CPSF7: variants seen among roughly 807,000 people sequenced by gnomAD.
The protein encoded by CPSF7 is cleavage and polyadenylation specificity factor subunit 7.
In CPSF7, 1 loss-of-function variant was observed where a neutral mutation model predicts 44.3. The ratio of observed to expected loss-of-function variants is 0.02; its 90% CI spans 0.01 to 0.11. The LOEUF (loss-of-function observed/expected upper bound fraction) is 0.11. CPSF7 is among the 10% of genes least tolerant of loss of function. CPSF7 has a pLI of 1.00. For synonymous variants in CPSF7, 202 were observed against 222.0 expected (o/e 0.91, Z 0.80); for missense variants, 443 against 607.2 (o/e 0.73, Z 2.84).
intron 2 of CPSF7, among the ~76,000 whole-genome samples, chr11:61,425,928 A>G (rs1861301244): frequency 6.6e-6 from 1 of 152,216 alleles, no homozygotes; most frequent in South Asian, 2.1e-4. Context: ...ATTGATGGAC[A>G]TAAGGAAGAG....
chr11:61,413,203 G>GT (rs1396815411), intron 7 of CPSF7, among the ~76,000 whole-genome samples: 3 of 152,006 alleles, frequency 2.0e-5, no homozygotes, highest in African/African-American at 7.3e-5. Flanking sequence ...GGGATTATAG[G>GT]TATGAGCCAC....
chr11:61,408,397 G>A (rs755508400), intron 9 of CPSF7, among the ~76,000 whole-genome samples: 3 of 152,110 alleles, frequency 2.0e-5, no homozygotes, highest in Non-Finnish European at 2.9e-5. Context: ...GTGAGCCACC[G>A]TGCTCGGCCA....
intron 2 of CPSF7, among the ~76,000 whole-genome samples, chr11:61,428,587 C>T (rs1402330853): frequency 1.3e-5 from 2 of 152,174 alleles, no homozygotes; most frequent in African/African-American, 4.8e-5. Context: ...GTTTGTCTAA[C>T]GTCTTTACTC....
At chr11:61,421,819 TTAATAGTCTGTAAAGTTTCTGGCTTTA>T (rs1487479177) in intron 2 of CPSF7, among the ~76,000 whole-genome samples, 10 of 152,282 alleles carry the variant, frequency 6.6e-5, no homozygotes, top group African/African-American at 1.7e-4. Context: ...CAAGATTCTG[TTAATAGTCTGTAAAGTTTCTGGCTTTA>T]GCCAACGGCA....
Position 61,418,318 on chromosome 11 carries a change from A to G in CPSF7, c.523+1631T>C, listed in dbSNP as rs536903242. 9.6e-4 allele frequency among the ~76,000 whole-genome samples: 146 copies of G among 152,302 alleles called. 1 individual carries two copies. Among genetic ancestry groups the G allele is most frequent in the Non-Finnish European group, 7.6e-4 (52 of 68,022 alleles). ...GTTCCTCCCACTGTAGCAAAAGAAA[A>G]TAAGGGTGGTTGGCTGTCTCAGGGA... On this transcript the variant is annotated intron_variant, in intron 5 of 9. Transcript: ENST00000439958.
At chr11:61,415,461 C>T (rs1860235484) in intron 7 of CPSF7, among the ~76,000 whole-genome samples, 1 of 152,136 alleles carries the variant, frequency 6.6e-6, no homozygotes. Flanking sequence ...TTCATGAGGG[C>T]AGGCCTAGAT....
At position 61,404,467 on chromosome 11, in the gene CPSF7, A is replaced by G. The variant is rs1038093929; in HGVS notation, c.*243T>C. The G allele has an allele frequency of 6.6e-6, 1 of 152,538 alleles. No individual in the cohort carries two copies. Among genetic ancestry groups the G allele is most frequent in the African/African-American group, 2.4e-5 (1 of 41,372 alleles). The allele number at this position is 152,538 out of a possible 1,614,324, so 9.4% of individuals were successfully genotyped here. ...TGGACATGTTTTCTTCCTGTCTGCC[A>G]CCCCTCCCAATCACACGAAGTCTTT... On this transcript the variant is annotated 3_prime_UTR_variant, in exon 10 of 10. Coordinates refer to ENST00000439958, the MANE Select transcript of CPSF7 (RefSeq NM_001142565.3).
In CPSF7 at chr11:61,411,909, C is replaced by T. The variant is rs766655496; in HGVS notation, c.1086G>A (p.Leu362=). ...AGDYSDAIET[L]LTAIAVIKQS... ...GTTTGATAACCGCAATGGCTGTGAG[C>T]AGCGTCTCAATTGCGTCACTGTAAT... Residue 362 remains leucine (L), a synonymous_variant, in exon 8 of 10, where the codon CTG becomes CTA. Transcript: ENST00000439958. 1 of 1,614,190 alleles carries T rather than the reference C, an allele frequency of 6.2e-7. No homozygotes were observed. The highest frequency in any genetic ancestry group is 1.1e-5 in the South Asian group (1 of 91,082).
intron 1 of CPSF7, 171 bp downstream of exon 1, chr11:61,429,743 C>T (rs1432147548): frequency 3.9e-6 from 6 of 1,545,118 alleles, no homozygotes; most frequent in Non-Finnish European, 5.2e-6. Context: ...CCGCCCCGCT[C>T]CCTCCCGACA....
intron 7 of CPSF7, among the ~76,000 whole-genome samples, chr11:61,414,335 T>C (rs1426682401): frequency 6.6e-6 from 1 of 152,030 alleles, no homozygotes; most frequent in Non-Finnish European, 1.5e-5. Context: ...TTTTGTATTA[T>C]TAGTAGAGAT....
chr11:61,424,065 AC>A (rs2135390458), intron 2 of CPSF7, among the ~76,000 whole-genome samples: 1 of 152,358 alleles, frequency 6.6e-6, no homozygotes, highest in African/African-American at 2.4e-5. Context: ...TTAGGGGGCA[AC>A]TTAACAACAA....
At chr11:61,404,967 C>A (rs1251438777) in intron 9 of CPSF7, among the ~76,000 whole-genome samples, 1 of 152,064 alleles carries the variant, frequency 6.6e-6, no homozygotes, top group African/African-American at 2.4e-5. Flanking sequence ...AAAAACAGAA[C>A]AAAATGAGGT....
At position 61,411,956 on chromosome 11, in the gene CPSF7, G is replaced by A. The variant is rs1330066955; in HGVS notation, c.1058-19C>T. ...TAATCCCCTGATAAAGGATGAAGGA[G>A]AAAGGCCAAGGGTGAGGAGAGATGG... On this transcript the variant is annotated intron_variant, in intron 7 of 9. Coordinates refer to ENST00000439958, the MANE Select transcript of CPSF7 (RefSeq NM_001142565.3). 4 of 1,612,332 alleles carry A rather than the reference G, an allele frequency of 2.5e-6. No individual in the cohort carries two copies. The African/African-American group carries it at 5.3e-5, about 22-fold the overall frequency.
rs114465404 is a variant in CPSF7, at chr11:61,418,366, T to C, written c.523+1583A>G. 4.2e-3 allele frequency among the ~76,000 whole-genome samples: 647 copies of C among 152,312 alleles called. 8 individuals are homozygous for C. The highest frequency in any genetic ancestry group is 0.015 in the African/African-American group (622 of 41,548). ...GGAAGGTCTTGCAGGGTGGCTGCAC[T>C]TTATGAGGTCAGGAAAATCCAAGGT... is the stretch of plus-strand genomic sequence containing the variant. On this transcript the variant is annotated intron_variant, in intron 5 of 9. Transcript: ENST00000439958.
At chr11:61,405,708 C>T (rs746442498) in intron 9 of CPSF7, among the ~76,000 whole-genome samples, 6 of 152,186 alleles carry the variant, frequency 3.9e-5, no homozygotes, top group Non-Finnish European at 8.8e-5. Context: ...CAAATGTTTA[C>T]CTTTTATATA....
At chr11:61,412,410 C>T (rs1859936662) in intron 7 of CPSF7, among the ~76,000 whole-genome samples, 1 of 152,012 alleles carries the variant, frequency 6.6e-6, no homozygotes, top group Non-Finnish European at 1.5e-5. Flanking sequence ...CTGCCTCAGC[C>T]TCCTGAGTAG....
At chr11:61,424,441 T>C (rs1861170167) in intron 2 of CPSF7, among the ~76,000 whole-genome samples, 1 of 152,218 alleles carries the variant, frequency 6.6e-6, no homozygotes, top group African/African-American at 2.4e-5. Context: ...TAGAAAGCAC[T>C]ACTTCACACC....
chr11:61,417,619 C>G (rs1038259052), intron 5 of CPSF7, among the ~76,000 whole-genome samples: 2 of 152,200 alleles, frequency 1.3e-5, no homozygotes, highest in African/African-American at 4.8e-5. Flanking sequence ...TTGACAACCA[C>G]CTAGATTTCT....
Position 61,403,042 on chromosome 11 carries a change from G to A in CPSF7, c.*1668C>T, listed in dbSNP as rs906600513. On this transcript the variant is annotated 3_prime_UTR_variant, in exon 10 of 10. Coordinates refer to ENST00000439958, the MANE Select transcript of CPSF7 (RefSeq NM_001142565.3). ...ACATCACTTAACACTTGGCCAGTTG[G>A]GTGGGGTGCCATGTTCTGAAGTGGA... The A allele has an allele frequency of 3.9e-5, 6 of 152,350 alleles. No individual in the cohort carries two copies. Among genetic ancestry groups the A allele is most frequent in the Admixed American group, 3.3e-4 (5 of 15,260 alleles). 9.4% of individuals were successfully genotyped at this position (152,350 alleles called of 1,614,324 possible). A position where few individuals can be genotyped will look rare whatever the true frequency, so the allele number is the denominator to read the frequency against.
Sources: allele counts gnomAD v4.1 joint callset (sites outside exome capture counted in the v4.1 genomes callset), GRCh38; gene constraint gnomAD v4.1.1; transcripts MANE v1.5; gene names NCBI Gene and HGNC (gene_info 2026-07-23, HGNC 2026-07-21).